Variants in USP33 observed in about 807,000 individuals in gnomAD.
USP33 encodes the protein ubiquitin specific peptidase 33.
A neutral mutation model predicts 124.2 loss-of-function variants in USP33; 46 were observed. That is an observed-to-expected ratio of 0.37 (90% CI 0.29 to 0.47). The LOEUF (loss-of-function observed/expected upper bound fraction) is 0.47. Ranked by LOEUF, USP33 falls within the 20% of genes least tolerant of loss-of-function variation. The pLI is 0.99. For synonymous variants in USP33, 350 were observed against 352.3 expected (o/e 0.99, Z 0.07); for missense variants, 851 against 1,070.6 (o/e 0.79, Z 2.86).
intron 16 of USP33, 81 bp downstream of exon 16, chr1:77,718,515 G>T (rs1261183010): frequency 1.8e-6 from 2 of 1,126,072 alleles, no homozygotes; most frequent in Non-Finnish European, 2.6e-6. Flanking sequence ...CAAGCAAAGA[G>T]AATTTATTAC....
At chr1:77,727,526 G>A (rs1009675041) in intron 10 of USP33, among the ~76,000 whole-genome samples, 1 of 152,182 alleles carries the variant, frequency 6.6e-6, no homozygotes, top group African/African-American at 2.4e-5. Flanking sequence ...TTACCCAAGT[G>A]AACCACAAGT....
chr1:77,721,741 T>A (rs1676582279), intron 14 of USP33, 90 bp downstream of exon 14: 11 of 1,206,526 alleles, frequency 9.1e-6, no homozygotes, highest in Non-Finnish European at 1.0e-5. Context: ...GTCTTAAAAC[T>A]GAGCTTTTAT....
chr1:77,721,759 C>T (rs76464907), intron 14 of USP33, 72 bp downstream of exon 14: 40,605 of 1,380,302 alleles, frequency 0.029, 753 homozygotes, highest in Middle Eastern at 0.084. Context: ...TATGAATACA[C>T]TTTATTATTT....
chr1:77,713,303 T>A lies in USP33; in HGVS notation c.2216-22A>T, dbSNP rs749604684. ...ACACCTAAAAAAATATATAAACATA[T>A]CTGTTTCATGCTTTTAATTATATTC... On this transcript the variant is annotated intron_variant, in intron 19 of 23. Coordinates refer to ENST00000370794, the MANE Select transcript of USP33 (RefSeq NM_201624.3). 8 of 1,551,804 alleles carry A rather than the reference T, an allele frequency of 5.2e-6. No homozygotes were observed. The Admixed American group carries it at 1.1e-4, about 21-fold the overall frequency.
chr1:77,701,912 C>A (rs985007697), intron 21 of USP33, among the ~76,000 whole-genome samples: 1 of 151,826 alleles, frequency 6.6e-6, no homozygotes, highest in African/African-American at 2.4e-5. Context: ...TCAAGTGATA[C>A]CTGCCTTGGG....
In USP33 at chr1:77,696,468, T is replaced by C. The variant is rs1264465812; in HGVS notation, c.*849A>G. 6.6e-6 allele frequency: 1 copy of C among 152,656 alleles called. No individual in the cohort carries two copies. Among genetic ancestry groups the C allele is most frequent in the Non-Finnish European group, 1.5e-5 (1 of 68,038 alleles). The allele number at this position is 152,656 out of a possible 1,614,324, so 9.5% of individuals were successfully genotyped here. The stretch of plus-strand genomic sequence containing the variant: ...CATTCAAAAAGACATTTTGTAAATT[T>C]TAATAAGCTAGTTAGTGTATATGCT... On this transcript the variant is annotated 3_prime_UTR_variant, in exon 24 of 24. Transcript: ENST00000370794.
At chr1:77,754,128 A>C (rs1043660123) in intron 1 of USP33, among the ~76,000 whole-genome samples, 3 of 152,192 alleles carry the variant, frequency 2.0e-5, no homozygotes, top group Non-Finnish European at 4.4e-5. Flanking sequence ...TAATTGTTAC[A>C]CAGAGGTTGG....
chr1:77,738,433 C>A (rs1372126960), intron 5 of USP33, among the ~76,000 whole-genome samples: 2 of 152,004 alleles, frequency 1.3e-5, no homozygotes, highest in African/African-American at 2.4e-5. Context: ...ATTCTGCAAG[C>A]AAACCCATGT....
intron 22 of USP33, among the ~76,000 whole-genome samples, chr1:77,700,910 G>A (rs1673940661): frequency 6.6e-6 from 1 of 152,040 alleles, no homozygotes; most frequent in Non-Finnish European, 1.5e-5. Context: ...TATGTTTCAG[G>A]CTGGTCTTGA....
chr1:77,722,110 A>G lies in USP33; in HGVS notation c.1476T>C (p.His492=). 2.5e-6 allele frequency: 4 copies of G among 1,614,146 alleles called. No individual in the cohort carries two copies. Among genetic ancestry groups the G allele is most frequent in the Non-Finnish European group, 3.4e-6 (4 of 1,179,990 alleles). The part of the protein sequence containing the change: ...EDLAKLHSSS[H]PTSIVKAGSC... ...ATCCTGCTTTGACTATAGAAGTTGG[A>G]TGACTTGATGAATGCAGCTTAGCAA... The change falls in exon 13 of 24, where the codon CAT becomes CAC. Residue 492 remains histidine, a synonymous_variant. Transcript: ENST00000370794.
intron 1 of USP33, among the ~76,000 whole-genome samples, chr1:77,752,261 T>C (rs1390176142): frequency 6.6e-6 from 1 of 151,866 alleles, no homozygotes; most frequent in Non-Finnish European, 1.5e-5. Flanking sequence ...CCTCAGTCAC[T>C]TGAGTAGCTG....
At chr1:77,700,232 G>C (rs966618952) in intron 22 of USP33, among the ~76,000 whole-genome samples, 5 of 152,190 alleles carry the variant, frequency 3.3e-5, no homozygotes, top group Admixed American at 6.5e-5. Context: ...TAAAGGTGTA[G>C]AAAAGCCAGA....
chr1:77,755,349 T>A (rs1399955234), intron 1 of USP33, among the ~76,000 whole-genome samples: 6 of 152,246 alleles, frequency 3.9e-5, no homozygotes, highest in Non-Finnish European at 7.3e-5. Context: ...ATATTGATTT[T>A]AAAACTAATC....
intron 1 of USP33, among the ~76,000 whole-genome samples, chr1:77,745,794 T>C (rs961069113): frequency 2.8e-4 from 42 of 152,002 alleles, no homozygotes; most frequent in Middle Eastern, 3.4e-3. Context: ...GGGTAAATAA[T>C]GAAATGAAGG....
At chr1:77,718,532 T>G (rs1570769589) in intron 16 of USP33, 64 bp downstream of exon 16, 1 of 1,248,576 alleles carries the variant, frequency 8.0e-7, no homozygotes, top group East Asian at 2.3e-5. Context: ...TTACTACATT[T>G]TGTTACATTA....
rs1250980679 is a variant in USP33 at position 77,696,830 on chromosome 1, C to A, written c.*487G>T. On this transcript the variant is annotated 3_prime_UTR_variant, in exon 24 of 24. Transcript: ENST00000370794. ...AGGCGCTGTGGCTCACACCTGTAAT[C>A]CCAGCACTTTGGGAGGCCGAGGTGG... 2.0e-5 allele frequency: 3 copies of A among 152,686 alleles called. No homozygotes were observed. Among genetic ancestry groups the A allele is most frequent in the South Asian group, 4.1e-4 (2 of 4,834 alleles). 9.5% of individuals were successfully genotyped at this position (152,686 alleles called of 1,614,324 possible).
At chr1:77,718,303 A>G (rs1426120799) in intron 16 of USP33, among the ~76,000 whole-genome samples, 1 of 152,228 alleles carries the variant, frequency 6.6e-6, no homozygotes, top group Non-Finnish European at 1.5e-5. Flanking sequence ...AAAAATATGG[A>G]AATGGTGAAA....
chr1:77,759,043 G>C (rs1313375290), intron 1 of USP33, among the ~76,000 whole-genome samples: 1 of 152,166 alleles, frequency 6.6e-6, no homozygotes, highest in Admixed American at 6.5e-5. Context: ...ATAAGTAAAG[G>C]TCTGGGAAAC....
chr1:77,759,724 C>G lies in USP33; in HGVS notation c.-133G>C, dbSNP rs1233535741. 1.5e-5 allele frequency: 6 copies of G among 398,354 alleles called. No individual in the cohort carries two copies. The highest frequency in any genetic ancestry group is 1.2e-4 in the African/African-American group (6 of 48,618). 24.7% of individuals were successfully genotyped at this position (398,354 alleles called of 1,614,324 possible). On this transcript the variant is annotated 5_prime_UTR_variant, in exon 1 of 24. Coordinates refer to ENST00000370794, the MANE Select transcript of USP33 (RefSeq NM_201624.3). Reference sequence around the variant, plus strand: ...ACCTCCGCAAGCTCCTCTTTTCCTTCTCAGCTCTCGGAGAGGGGCAGTGTC... The same window carrying G: ...ACCTCCGCAAGCTCCTCTTTTCCTTGTCAGCTCTCGGAGAGGGGCAGTGTC...
Sources: allele counts gnomAD v4.1 joint callset (sites outside exome capture counted in the v4.1 genomes callset), GRCh38; gene constraint gnomAD v4.1.1; transcripts MANE v1.5; gene names NCBI Gene and HGNC (gene_info 2026-07-23, HGNC 2026-07-21).